IQSEC1: variants seen among roughly 807,000 people sequenced by gnomAD.
The protein encoded by IQSEC1 is IQ motif and SEC7 domain-containing protein 1.
Under a neutral mutation model 91.0 loss-of-function variants are expected in IQSEC1, and 31 were observed. The observed-to-expected ratio is 0.34, with a 90% confidence interval of 0.26 to 0.46. The LOEUF (loss-of-function observed/expected upper bound fraction) is 0.46. Ranked by LOEUF, IQSEC1 falls within the 20% of genes least tolerant of loss-of-function variation. The pLI, the probability that IQSEC1 is intolerant of heterozygous loss-of-function variation, is 1.00. For synonymous variants in IQSEC1, 699 were observed against 662.6 expected, an observed-to-expected ratio of 1.05 and a Z score of -0.84; for missense variants, 1,388 against 1,575.6, an observed-to-expected ratio of 0.88 and a Z score of 2.02.
At chr3:13,212,311 C>A (rs934176138) in intron 1 of IQSEC1, among the ~76,000 whole-genome samples, 1 of 152,190 alleles carries the variant, frequency 6.6e-6, no homozygotes, top group Non-Finnish European at 1.5e-5. Context: ...GCTTCTTGCA[C>A]CTAGCATGTT....
At position 13,131,017 on chromosome 3, in the gene IQSEC1, C is replaced by T. The variant is rs367647962; in HGVS notation, c.302+33087G>A. On this transcript the variant is annotated intron_variant, in intron 2 of 15. Transcript: ENST00000648114. Reference sequence around the variant, plus strand: ...AGAAAAGAAGGAGGGAAGGAAGGAACGGAAGGGAAGGAAGGAAGGAAAGGA... The same window carrying T: ...AGAAAAGAAGGAGGGAAGGAAGGAATGGAAGGGAAGGAAGGAAGGAAAGGA... Among the ~76,000 whole-genome samples, 6 of 80,918 alleles carry T rather than the reference C, an allele frequency of 7.4e-5. No homozygotes were observed. In the East Asian group the frequency reaches 9.4e-4, roughly 13 times the overall value. 53.1% of individuals were successfully genotyped at this position (80,918 alleles called of 152,430 possible).
In IQSEC1 at chr3:13,214,685, G is replaced by A. The variant is rs980361083; in HGVS notation, c.273-50552C>T. On this transcript the variant is annotated intron_variant, in intron 1 of 15. Coordinates refer to the IQSEC1 transcript ENST00000648114. The surrounding 1 kb of genome is among the most constrained non-coding windows in gnomAD (Gnocchi z 4.5). Reference sequence around the variant, plus strand: ...CCATCAAGGGGCCACTGTGGCACACGAGCTGGTGTCCGGTGGAGCACGGTC... The same window carrying A: ...CCATCAAGGGGCCACTGTGGCACACAAGCTGGTGTCCGGTGGAGCACGGTC... 1.3e-5 allele frequency among the ~76,000 whole-genome samples: 2 copies of A among 152,252 alleles called. No homozygotes were observed. The highest frequency in any genetic ancestry group is 4.8e-5 in the African/African-American group (2 of 41,466).
At chr3:13,101,873 C>T (rs1360439082) in intron 2 of IQSEC1, among the ~76,000 whole-genome samples, 2 of 150,292 alleles carry the variant, frequency 1.3e-5, no homozygotes, top group Non-Finnish European at 3.0e-5. Context: ...CACTGGCCTC[C>T]TTCCCCATCC....
At chr3:13,093,280 G>A (rs998526377) in intron 2 of IQSEC1, among the ~76,000 whole-genome samples, 1 of 152,064 alleles carries the variant, frequency 6.6e-6, no homozygotes, top group African/African-American at 2.4e-5. Flanking sequence ...AAGACTAATC[G>A]GGCTCAAGGA....
intron 1 of IQSEC1, among the ~76,000 whole-genome samples, chr3:13,173,455 G>C (rs989099635): frequency 3.9e-5 from 6 of 152,198 alleles, no homozygotes; most frequent in African/African-American, 1.2e-4. Context: ...TTGGGGACCG[G>C]CCCAGAGCAG....
chr3:13,006,791 A>G (rs903375383), intron 1 of IQSEC1, among the ~76,000 whole-genome samples: 4 of 152,220 alleles, frequency 2.6e-5, no homozygotes, highest in Admixed American at 6.5e-5. Context: ...AGAAGTGTCC[A>G]TGGGCCGCTG....
intron 1 of IQSEC1, among the ~76,000 whole-genome samples, chr3:13,034,889 C>G (rs1703979050): frequency 6.6e-6 from 1 of 152,246 alleles, no homozygotes; most frequent in African/African-American, 2.4e-5. Context: ...AGCACACAGG[C>G]TCCCCTAACA....
intron 2 of IQSEC1, among the ~76,000 whole-genome samples, chr3:13,132,330 T>C (rs187874834): frequency 5.2e-4 from 79 of 152,350 alleles, no homozygotes; most frequent in African/African-American, 1.8e-3. Flanking sequence ...TAAGCACTTT[T>C]CCCTCTACTT....
At chr3:13,265,971 C>T (rs1036408747) in intron 1 of IQSEC1, among the ~76,000 whole-genome samples, 4 of 150,214 alleles carry the variant, frequency 2.7e-5, no homozygotes, top group African/African-American at 9.8e-5. Context: ...CTCAGCCACA[C>T]ACCCCATGCC....
chr3:12,903,228 A>G (rs1694572303), intron 12 of IQSEC1, among the ~76,000 whole-genome samples: 1 of 152,194 alleles, frequency 6.6e-6, no homozygotes, highest in Non-Finnish European at 1.5e-5. Flanking sequence ...ACATAGCTGC[A>G]AACAGCATGG....
upstream of IQSEC1, among the ~76,000 whole-genome samples, chr3:13,076,993 TA>T (rs202115675): frequency 5.5e-3 from 825 of 149,052 alleles, 27 homozygotes; most frequent in South Asian, 0.091. Flanking sequence ...ACATAGACCC[TA>T]AAAAAAATGG....
At chr3:12,996,797 TTGTAATTAAA>T (rs1179027307) in intron 1 of IQSEC1, among the ~76,000 whole-genome samples, 1 of 152,268 alleles carries the variant, frequency 6.6e-6, no homozygotes, top group African/African-American at 2.4e-5. Flanking sequence ...TCAATCTCAC[TTGTAATTAAA>T]TGTATATTAA....
intron 1 of IQSEC1, among the ~76,000 whole-genome samples, chr3:12,955,184 T>C (rs1277870139): frequency 6.6e-6 from 1 of 152,228 alleles, no homozygotes; most frequent in Non-Finnish European, 1.5e-5. Flanking sequence ...CTCACTGTGC[T>C]GAAAACACTG....
intron 4 of IQSEC1, among the ~76,000 whole-genome samples, chr3:12,923,084 C>G (rs951987985): frequency 6.6e-6 from 1 of 152,190 alleles, no homozygotes; most frequent in Admixed American, 6.5e-5. Flanking sequence ...GGGCAACAGC[C>G]TTGGAGGTGA....
intron 2 of IQSEC1, among the ~76,000 whole-genome samples, chr3:13,110,244 T>C (rs114425146): frequency 0.026 from 3,930 of 152,188 alleles, 168 homozygotes; most frequent in African/African-American, 0.09. Flanking sequence ...GGAGGTGTTA[T>C]AGCAGTATTA....
chr3:13,277,106 T>TAAAAAAAAAAAAAAAAAAAAAAA (rs4034193), intron 1 of IQSEC1, among the ~76,000 whole-genome samples: 6 of 35,992 alleles, frequency 1.7e-4, no homozygotes, highest in Non-Finnish European at 2.2e-4. Context: ...TGCTCCTCCT[T>TAAAAAAAAAAAAAAAAAAAAAAA]AAAAAAAAAA....
chr3:13,165,600 T>G (rs1693481073), intron 1 of IQSEC1, among the ~76,000 whole-genome samples: 1 of 135,440 alleles, frequency 7.4e-6, no homozygotes, highest in Admixed American at 8.1e-5. Context: ...CTTCACTTCA[T>G]CGCCATCTTA....
chr3:13,197,117 T>G (rs1351957729), intron 1 of IQSEC1, among the ~76,000 whole-genome samples: 1 of 152,142 alleles, frequency 6.6e-6, no homozygotes, highest in East Asian at 1.9e-4. Context: ...CTACCTCCTC[T>G]TGGGACTGTG....
At chr3:13,032,279 C>T (rs1703870199) in intron 1 of IQSEC1, among the ~76,000 whole-genome samples, 1 of 152,248 alleles carries the variant, frequency 6.6e-6, no homozygotes, top group Admixed American at 6.5e-5. Context: ...CACAGCTCAT[C>T]CAGAGCTGCC....
Sources: gnomAD v4.1 joint callset for allele counts (sites outside exome capture counted in the v4.1 genomes callset) on GRCh38, gnomAD v4.1.1 for gene constraint, Gnocchi (gnomAD v3.1) non-coding constraint, MANE v1.5 for transcripts, NCBI Gene and HGNC (gene_info 2026-07-23, HGNC 2026-07-21) for gene names.